The following ETFA variants were observed in gnomAD, a reference collection of about 807,000 sequenced individuals.
The protein encoded by ETFA is electron transfer flavoprotein subunit alpha, mitochondrial.
A neutral mutation model predicts 46.2 loss-of-function variants in ETFA; 22 were observed. The ratio of observed to expected loss-of-function variants is 0.48; its 90% confidence interval spans 0.34 to 0.68. The LOEUF (loss-of-function observed/expected upper bound fraction) is 0.68, where lower values mean the gene tolerates loss of function less well. Among genes scored for constraint, ETFA ranks in the 30% least tolerant of loss-of-function variants. The probability of loss-of-function intolerance (pLI) is 0.01; values close to 1 mark genes in which losing one functional copy is unlikely to be tolerated. For synonymous variants in ETFA, 131 were observed against 139.9 expected (o/e 0.94, Z 0.45); for missense variants, 345 against 401.1 (o/e 0.86, Z 1.19).
At chr15:76,285,170 T>C (rs1334526479) in intron 7 of ETFA, among the ~76,000 whole-genome samples, 1 of 152,206 alleles carries the variant, frequency 6.6e-6, no homozygotes, top group Non-Finnish European at 1.5e-5. Context: ...GCATGTCTTA[T>C]GCAATATTAA....
At chr15:76,236,427 T>A (rs532824266) in intron 9 of ETFA, among the ~76,000 whole-genome samples, 50 of 152,338 alleles carry the variant, frequency 3.3e-4, no homozygotes, top group African/African-American at 1.0e-3. Flanking sequence ...TTAGAGGTTA[T>A]CATACTGGGC....
At chr15:76,308,989 C>A (rs1197159534) in intron 1 of ETFA, among the ~76,000 whole-genome samples, 1 of 152,164 alleles carries the variant, frequency 6.6e-6, no homozygotes, top group Non-Finnish European at 1.5e-5. Context: ...TTTGAGATTT[C>A]TTTGTACTAT....
chr15:76,248,968 G>C (rs1173497073), intron 9 of ETFA, among the ~76,000 whole-genome samples: 1 of 151,706 alleles, frequency 6.6e-6, no homozygotes, highest in East Asian at 1.9e-4. Flanking sequence ...AATATTCAAA[G>C]GGAAAAAAAC....
At chr15:76,277,405 C>G (rs1329326045) in intron 8 of ETFA, among the ~76,000 whole-genome samples, 1 of 152,046 alleles carries the variant, frequency 6.6e-6, no homozygotes, top group Non-Finnish European at 1.5e-5. Context: ...TGATTTTTCT[C>G]TAATTTTCAC....
At chr15:76,261,722 C>T (rs1232675774) in intron 9 of ETFA, 2 of 253,838 alleles carry the variant, frequency 7.9e-6, no homozygotes, top group Non-Finnish European at 1.5e-5. Flanking sequence ...CCAGGCCCGG[C>T]CCACGAGTGA....
At chr15:76,234,177 C>T (rs1206698174) in intron 9 of ETFA, among the ~76,000 whole-genome samples, 1 of 152,082 alleles carries the variant, frequency 6.6e-6, no homozygotes, top group African/African-American at 2.4e-5. Context: ...CAAACATGGT[C>T]CTCTGAATAA....
intron 9 of ETFA, among the ~76,000 whole-genome samples, chr15:76,244,827 A>G (rs567254728): frequency 6.6e-6 from 1 of 152,328 alleles, no homozygotes; most frequent in Admixed American, 6.5e-5. Context: ...AGACATGTCA[A>G]TTTATCATTA....
chr15:76,231,325 A>G lies in ETFA; in HGVS notation c.882+8T>C, dbSNP rs776847997. On this transcript the variant is annotated splice_region_variant and intron_variant, in intron 10 of 11. Transcript: ENST00000557943. ...CGTTTTCTTTTAACATCACTGATGT[A>G]CAATTACCTTGCTGTCTTTCATCCC... The G allele has an allele frequency of 8.3e-6, 13 of 1,566,276 alleles. No homozygotes were observed. In the East Asian group the frequency reaches 2.5e-4, roughly 30 times the overall value.
intron 5 of ETFA, among the ~76,000 whole-genome samples, chr15:76,287,127 G>A (rs2039711584): frequency 6.6e-6 from 1 of 152,174 alleles, no homozygotes; most frequent in Non-Finnish European, 1.5e-5. Flanking sequence ...AGACCAGTGT[G>A]CTAAGCAAAA....
intron 9 of ETFA, among the ~76,000 whole-genome samples, chr15:76,256,467 A>G (rs1301129018): frequency 6.6e-6 from 1 of 152,152 alleles, no homozygotes. Flanking sequence ...ATGAAACACA[A>G]TTTTTACTTC....
At chr15:76,225,446 G>T (rs565938137) in intron 11 of ETFA, among the ~76,000 whole-genome samples, 1 of 151,866 alleles carries the variant, frequency 6.6e-6, no homozygotes, top group Non-Finnish European at 1.5e-5. Flanking sequence ...CTGCCACCAC[G>T]CCCAGCTAAT....
chr15:76,220,537 A>G (rs924464467), intron 11 of ETFA, among the ~76,000 whole-genome samples: 12 of 152,250 alleles, frequency 7.9e-5, no homozygotes, highest in African/African-American at 2.9e-4. Context: ...TAAGAAAGTG[A>G]AAAGACAACC....
intron 9 of ETFA, chr15:76,260,692 T>A: frequency 6.2e-7 from 1 of 1,602,654 alleles, no homozygotes; most frequent in Non-Finnish European, 8.5e-7. Flanking sequence ...CACTCCAAGA[T>A]GAGGCCTGAA....
chr15:76,244,405 A>C lies in ETFA; in HGVS notation c.817-13007T>G, dbSNP rs117475509. 7.9e-5 allele frequency among the ~76,000 whole-genome samples: 12 copies of C among 152,314 alleles called. No homozygotes were observed. In the East Asian group the frequency reaches 2.3e-3, roughly 29 times the overall value. On this transcript the variant is annotated intron_variant, in intron 9 of 11. Coordinates refer to ENST00000557943, the MANE Select transcript of ETFA (RefSeq NM_000126.4). Reference sequence around the variant, plus strand: ...TGGAGTATACCCTCCTGTCTCAAATACTATTTCCCAAATTTCCTTTCAGAC... The same window carrying C: ...TGGAGTATACCCTCCTGTCTCAAATCCTATTTCCCAAATTTCCTTTCAGAC...
intron 4 of ETFA, 93 bp downstream of exon 4, chr15:76,292,338 G>T: frequency 1.2e-6 from 1 of 840,198 alleles, no homozygotes; most frequent in Non-Finnish European, 2.1e-6. Flanking sequence ...AATCCAGATT[G>T]GCTACATAAA....
chr15:76,310,995 C>T (rs561638977), intron 1 of ETFA, among the ~76,000 whole-genome samples: 17 of 152,310 alleles, frequency 1.1e-4, no homozygotes, highest in African/African-American at 3.4e-4. Context: ...CATTTTGCTC[C>T]CTCGGGTGTG....
intron 9 of ETFA, chr15:76,259,873 C>T: frequency 7.5e-7 from 1 of 1,330,320 alleles, no homozygotes; most frequent in Non-Finnish European, 1.1e-6. Context: ...CGTGCAGGTC[C>T]CCATGCTTCA....
intron 9 of ETFA, among the ~76,000 whole-genome samples, chr15:76,242,397 T>C (rs1567200997): frequency 6.6e-6 from 1 of 152,208 alleles, no homozygotes; most frequent in East Asian, 1.9e-4. Context: ...GGCCATTGCT[T>C]ACACATAGCT....
chr15:76,266,308 AC>A (rs1344390450), intron 9 of ETFA, among the ~76,000 whole-genome samples: 1 of 152,188 alleles, frequency 6.6e-6, no homozygotes, highest in Non-Finnish European at 1.5e-5. Context: ...ATAATAACAA[AC>A]CAGTGCACAG....
Sources: gnomAD v4.1 joint callset for allele counts (sites outside exome capture counted in the v4.1 genomes callset) on GRCh38, gnomAD v4.1.1 for gene constraint, MANE v1.5 for transcripts, NCBI Gene and HGNC (gene_info 2026-07-23, HGNC 2026-07-21) for gene names.